The following NTM variants were observed in gnomAD, a reference collection of about 807,000 sequenced individuals.
NTM encodes the protein neurotrimin, also known as IgLON family member 2.
NTM carries 13 observed loss-of-function variants against 42.1 expected under a neutral mutation model. The observed-to-expected ratio is 0.31, with a 90% CI of 0.20 to 0.49. The LOEUF is 0.49. NTM is among the 20% of genes least tolerant of loss of function. NTM has a pLI of 0.99. For missense variants in NTM, 373 were observed against 452.8 expected, an observed-to-expected ratio of 0.82 and a Z score of 1.60; for synonymous variants, 187 against 179.2, an observed-to-expected ratio of 1.04 and a Z score of -0.35.
At chr11:131,706,276 GA>G (rs1243293106) in intron 1 of NTM, among the ~76,000 whole-genome samples, 1 of 151,982 alleles carries the variant, frequency 6.6e-6, no homozygotes, top group Non-Finnish European at 1.5e-5. Context: ...ATCAATTCAT[GA>G]AGAGGATATA....
chr11:131,688,267 G>A lies in NTM; in HGVS notation c.83-223297G>A, dbSNP rs559996549. Among the ~76,000 whole-genome samples the A allele has an allele frequency of 2.7e-3, 404 of 152,202 alleles. 2 individuals carry two copies. Among genetic ancestry groups the A allele is most frequent in the African/African-American group, 9.4e-3 (392 of 41,540 alleles). On this transcript the variant is annotated intron_variant, in intron 1 of 8. Coordinates refer to ENST00000683400, the MANE Select transcript of NTM (RefSeq NM_001352005.2). ...GGCCCCTCTCAGCGGACTCCAGACA[G>A]GGGGGAAAGCAGCTTGCCCGTCCTC...
intron 1 of NTM, among the ~76,000 whole-genome samples, chr11:131,540,154 GTTTTTTTTTTTTTT>G (rs57022166): frequency 6.9e-5 from 6 of 86,686 alleles, no homozygotes; most frequent in African/African-American, 2.5e-4. Context: ...ATTTAAGCTT[GTTTTTTTTTTTTTT>G]TTTTTTTTTT....
chr11:132,084,120 T>A (rs1176797564), intron 2 of NTM, among the ~76,000 whole-genome samples: 1 of 152,098 alleles, frequency 6.6e-6, no homozygotes, highest in Non-Finnish European at 1.5e-5. Context: ...GATGTCACAA[T>A]TTTCAAAATT....
chr11:131,682,468 C>T (rs1195142172), intron 1 of NTM, among the ~76,000 whole-genome samples: 1 of 152,198 alleles, frequency 6.6e-6, no homozygotes, highest in African/African-American at 2.4e-5. Flanking sequence ...AGGCTGAGGG[C>T]CCTCCCTCCT....
intron 1 of NTM, among the ~76,000 whole-genome samples, chr11:131,682,696 C>G (rs1408942365): frequency 6.6e-6 from 1 of 152,226 alleles, no homozygotes; most frequent in Non-Finnish European, 1.5e-5. Context: ...ATCTCTGCTG[C>G]AATTTGCTCT....
In NTM at chr11:131,788,859, ACATTCTCGGG is replaced by A. The variant is rs550886842; in HGVS notation, c.83-122702_83-122693del. The stretch of plus-strand genomic sequence containing the variant: ...CTCCTTTTCAAGGGTGGGTTTGAAC[ACATTCTCGGG>A]CAATCTCTCCGTGGCCACCTGGGAA... On this transcript the variant is annotated intron_variant, in intron 1 of 8. Coordinates refer to ENST00000683400, the MANE Select transcript of NTM (RefSeq NM_001352005.2). Among the ~76,000 whole-genome samples, 517 of 152,254 alleles carry A rather than the reference ACATTCTCGGG, an allele frequency of 3.4e-3. 1 individual carries two copies. Among genetic ancestry groups the A allele is most frequent in the African/African-American group, 0.012 (498 of 41,556 alleles).
chr11:131,863,014 C>G (rs1481788724), intron 1 of NTM, among the ~76,000 whole-genome samples: 2 of 152,176 alleles, frequency 1.3e-5, no homozygotes, highest in African/African-American at 2.4e-5. Context: ...AGTACAAGAA[C>G]AAGACATTCT....
intron 1 of NTM, chr11:131,660,340 C>A (rs1344085501): frequency 2.6e-6 from 1 of 377,864 alleles, no homozygotes; most frequent in East Asian, 7.4e-5. Flanking sequence ...GGGATGGAGA[C>A]CTTGGGTGAA....
intron 2 of NTM, among the ~76,000 whole-genome samples, chr11:132,021,853 C>A (rs1442812094): frequency 6.6e-6 from 1 of 152,170 alleles, no homozygotes; most frequent in African/African-American, 2.4e-5. Context: ...ATATTTGCTT[C>A]CTACTGAGTC....
At chr11:132,054,313 T>G (rs2079285363) in intron 2 of NTM, among the ~76,000 whole-genome samples, 1 of 152,250 alleles carries the variant, frequency 6.6e-6, no homozygotes, top group Non-Finnish European at 1.5e-5. Flanking sequence ...CCAAGCTGTG[T>G]GGACTCCACA....
intron 1 of NTM, among the ~76,000 whole-genome samples, chr11:131,716,976 G>T (rs1489395808): frequency 6.6e-6 from 1 of 152,068 alleles, no homozygotes; most frequent in Non-Finnish European, 1.5e-5. Flanking sequence ...AAGTAGTTGG[G>T]ACTACAGGCA....
At chr11:132,168,251 A>C (rs1185764039) in intron 3 of NTM, among the ~76,000 whole-genome samples, 1 of 152,150 alleles carries the variant, frequency 6.6e-6, no homozygotes. Context: ...AATACATCTA[A>C]AGAGGGCAAA....
intron 1 of NTM, among the ~76,000 whole-genome samples, chr11:131,509,065 T>A (rs1228210115): frequency 6.6e-6 from 1 of 151,966 alleles, no homozygotes; most frequent in African/African-American, 2.4e-5. Context: ...AAAAAAGAAA[T>A]TTGCTCAGTT....
intron 1 of NTM, among the ~76,000 whole-genome samples, chr11:131,493,340 A>G (rs1180853367): frequency 3.3e-5 from 5 of 152,220 alleles, no homozygotes; most frequent in African/African-American, 1.2e-4. Context: ...ACCATACATT[A>G]AAGGGAATAA....
chr11:132,248,135 C>T (rs140546219), intron 4 of NTM, among the ~76,000 whole-genome samples: 1 of 152,270 alleles, frequency 6.6e-6, no homozygotes, highest in East Asian at 1.9e-4. Flanking sequence ...GAACTCCTGC[C>T]CTTAAACTGC....
intron 1 of NTM, among the ~76,000 whole-genome samples, chr11:131,715,091 A>G (rs532376901): frequency 6.6e-6 from 1 of 152,174 alleles, no homozygotes; most frequent in Non-Finnish European, 1.5e-5. Flanking sequence ...GTGATACAAA[A>G]CCAGAAAAGG....
intron 1 of NTM, among the ~76,000 whole-genome samples, chr11:131,672,733 G>T (rs2070559758): frequency 6.6e-6 from 1 of 152,148 alleles, no homozygotes; most frequent in South Asian, 2.1e-4. Context: ...CCTCTGTGGA[G>T]GCTTATGGAA....
chr11:131,674,172 C>T (rs2070939667), intron 1 of NTM, among the ~76,000 whole-genome samples: 2 of 152,244 alleles, frequency 1.3e-5, no homozygotes, highest in Admixed American at 6.5e-5. Context: ...TAGTGCCACA[C>T]GCACACGTTC....
At chr11:131,443,780 C>A in intron 1 of NTM, among the ~76,000 whole-genome samples, 1 of 152,154 alleles carries the variant, frequency 6.6e-6, no homozygotes, top group South Asian at 2.1e-4. Context: ...AATCACTTGC[C>A]TTGGTGAATG....
Sources: gnomAD v4.1 joint callset for allele counts (sites outside exome capture counted in the v4.1 genomes callset) on GRCh38, gnomAD v4.1.1 for gene constraint, MANE v1.5 for transcripts, NCBI Gene and HGNC (gene_info 2026-07-23, HGNC 2026-07-21) for gene names.